Variants in WWP2 observed in about 807,000 individuals in gnomAD.
WWP2 encodes NEDD4-like E3 ubiquitin-protein ligase WWP2.
WWP2 carries 57 observed loss-of-function variants against 121.0 expected under a neutral mutation model. The ratio of observed to expected loss-of-function variants is 0.47; its 90% CI spans 0.38 to 0.59. The LOEUF (loss-of-function observed/expected upper bound fraction) is 0.59, where lower values mean the gene tolerates loss of function less well. Ranked by LOEUF, WWP2 falls within the 20% of genes least tolerant of loss-of-function variation. The pLI, the probability that WWP2 is intolerant of heterozygous loss-of-function variation, is 0.00. For missense variants in WWP2, 962 were observed against 1,158.9 expected (o/e 0.83, Z 2.47); for synonymous variants, 449 against 441.3 (o/e 1.02, Z -0.22).
intron 6 of WWP2, among the ~76,000 whole-genome samples, chr16:69,845,126 T>G (rs539612444): frequency 6.6e-6 from 1 of 152,252 alleles, no homozygotes; most frequent in East Asian, 1.9e-4. Flanking sequence ...ACCTCTCGGA[T>G]CCCCAGTTTT....
intron 6 of WWP2, among the ~76,000 whole-genome samples, chr16:69,859,250 T>C (rs959559749): frequency 4.6e-5 from 7 of 152,074 alleles, no homozygotes; most frequent in Non-Finnish European, 7.4e-5. Context: ...TGGGGAAGAA[T>C]TCATATCAAA....
chr16:69,931,193 G>C lies in WWP2; in HGVS notation c.1487G>C (p.Arg496Pro). 1.2e-6 allele frequency: 2 copies of C among 1,614,130 alleles called. No homozygotes were observed. The highest frequency in any genetic ancestry group is 1.7e-6 in the Non-Finnish European group (2 of 1,180,020). ...GSPGAYDRSFRWKYHQFRFLC... is the reference protein window; with the variant it reads ...GSPGAYDRSFPWKYHQFRFLC... ...CCTGGTGCTTATGACCGCAGTTTTC[G>C]GTGGAAGTATCACCAGTTCCGTTTC... Residue 496 changes from arginine (R) to proline (P), a missense_variant, in exon 14 of 24, where the codon CGG becomes CCG. By Grantham distance (103) the Arg-to-Pro change is moderately radical (BLOSUM62 -2). Transcript: ENST00000359154.
chr16:69,919,409 C>T (rs985725189), intron 10 of WWP2, among the ~76,000 whole-genome samples: 10 of 152,022 alleles, frequency 6.6e-5, no homozygotes, highest in Non-Finnish European at 1.2e-4. Flanking sequence ...TCAGGTAATC[C>T]GCCCACCTTG....
chr16:69,905,023 CCAGT>C (rs2058265929), intron 8 of WWP2, among the ~76,000 whole-genome samples: 1 of 152,170 alleles, frequency 6.6e-6, no homozygotes, highest in Non-Finnish European at 1.5e-5. Flanking sequence ...TGGGTTCCAG[CCAGT>C]CACAGGCAGG....
In WWP2 at chr16:69,930,275, G is replaced by C; in HGVS notation, c.1445+17G>C. ...TGAGTCGGGGTAAGGACTTTGTGCA[G>C]GTAGCAGCAGTGTCAGGAGCCGAGG... On this transcript the variant is annotated intron_variant, in intron 13 of 23. Coordinates refer to ENST00000359154, the MANE Select transcript of WWP2 (RefSeq NM_001270454.2). The C allele has an allele frequency of 6.2e-7, 1 of 1,612,114 alleles. No individual in the cohort carries two copies. Among genetic ancestry groups the C allele is most frequent in the Non-Finnish European group, 8.5e-7 (1 of 1,178,962 alleles).
At chr16:69,832,171 G>A (rs975326463) in intron 4 of WWP2, among the ~76,000 whole-genome samples, 5 of 151,928 alleles carry the variant, frequency 3.3e-5, no homozygotes, top group African/African-American at 1.2e-4. Context: ...TGTTTTGTTT[G>A]ATAGTGGCCA....
At chr16:69,771,777 A>G (rs113739407) in intron 1 of WWP2, among the ~76,000 whole-genome samples, 1,941 of 152,026 alleles carry the variant, frequency 0.013, 35 homozygotes, top group African/African-American at 0.044. Flanking sequence ...GTACACATGT[A>G]TGCTAGGACC....
At chr16:69,893,322 C>T (rs1048467375) in intron 8 of WWP2, among the ~76,000 whole-genome samples, 3 of 152,202 alleles carry the variant, frequency 2.0e-5, no homozygotes, top group African/African-American at 7.2e-5. Flanking sequence ...AGAGTAGGCT[C>T]CCAAGACATG....
intron 9 of WWP2, chr16:69,909,112 T>G: frequency 8.6e-7 from 1 of 1,159,952 alleles, no homozygotes; most frequent in Non-Finnish European, 1.1e-6. Flanking sequence ...CCGTACCCTA[T>G]GCCCAGCCTG....
chr16:69,868,229 C>A (rs2057564065), intron 6 of WWP2, among the ~76,000 whole-genome samples: 1 of 152,144 alleles, frequency 6.6e-6, no homozygotes. Context: ...GCAGTTCATG[C>A]AAAGTGATCC....
intron 7 of WWP2, among the ~76,000 whole-genome samples, chr16:69,874,980 C>G (rs2057710356): frequency 1.3e-5 from 2 of 151,592 alleles, no homozygotes; most frequent in Non-Finnish European, 2.9e-5. Context: ...TGAGATGGCA[C>G]CACTACACTC....
At chr16:69,838,798 A>C in intron 4 of WWP2, 1 of 985,548 alleles carries the variant, frequency 1.0e-6, no homozygotes, top group Non-Finnish European at 1.2e-6. Context: ...AAATAGCAGC[A>C]GACTCACTCA....
At chr16:69,847,309 T>C (rs1287400270) in intron 6 of WWP2, among the ~76,000 whole-genome samples, 1 of 151,960 alleles carries the variant, frequency 6.6e-6, no homozygotes, top group African/African-American at 2.4e-5. Flanking sequence ...GGTCTCAAAC[T>C]CCTGACTTCA....
rs1013571727 is a variant in WWP2 at position 69,920,945 on chromosome 16, T to G, written c.1179+3062T>G. ...TGCCTGGTCTTTTTGGAGTCTTCCT[T>G]CCTGCCTGCCTCTCTTAGCAACATT... On this transcript the variant is annotated intron_variant, in intron 10 of 23. Transcript: ENST00000359154. Among the ~76,000 whole-genome samples, 71 of 152,156 alleles carry G rather than the reference T, an allele frequency of 4.7e-4. 1 individual carries two copies. Among genetic ancestry groups the G allele is most frequent in the Non-Finnish European group, 7.9e-4 (54 of 68,022 alleles).
chr16:69,875,048 A>C (rs532581274), intron 7 of WWP2, among the ~76,000 whole-genome samples: 1 of 152,164 alleles, frequency 6.6e-6, no homozygotes, highest in African/African-American at 2.4e-5. Context: ...CAGCAAAAGT[A>C]TATATCTCAT....
At chr16:69,910,914 TC>T (rs1456008724) in intron 9 of WWP2, among the ~76,000 whole-genome samples, 1 of 152,228 alleles carries the variant, frequency 6.6e-6, no homozygotes, top group African/African-American at 2.4e-5. Context: ...GGGAGATGGC[TC>T]ACCTGTACGC....
intron 6 of WWP2, among the ~76,000 whole-genome samples, chr16:69,865,390 C>G (rs967121385): frequency 6.6e-6 from 1 of 152,136 alleles, no homozygotes; most frequent in Non-Finnish European, 1.5e-5. Context: ...GGGTTGTTTT[C>G]TGATTGCTGA....
intron 1 of WWP2, among the ~76,000 whole-genome samples, chr16:69,764,446 G>T (rs1002641358): frequency 1.3e-5 from 2 of 152,148 alleles, no homozygotes; most frequent in African/African-American, 4.8e-5. Flanking sequence ...TCCCACCTCG[G>T]CCTCTCAAAG....
chr16:69,822,715 G>T (rs938988534), intron 4 of WWP2, among the ~76,000 whole-genome samples: 1 of 152,228 alleles, frequency 6.6e-6, no homozygotes, highest in African/African-American at 2.4e-5. Context: ...GAACAAGCTG[G>T]TTGCTGTCAA....
Sources: allele counts gnomAD v4.1 joint callset (sites outside exome capture counted in the v4.1 genomes callset), GRCh38; gene constraint gnomAD v4.1.1; transcripts MANE v1.5; gene names NCBI Gene and HGNC (gene_info 2026-07-23, HGNC 2026-07-21).